PPOX: variants seen among roughly 807,000 people sequenced by gnomAD.
PPOX encodes variegate porphyria.
PPOX carries 23 observed loss-of-function variants against 54.1 expected under a neutral mutation model. The observed-to-expected ratio is 0.43, with a 90% CI of 0.31 to 0.60. PPOX has a LOEUF of 0.60. PPOX is among the 20% of genes least tolerant of loss of function. The pLI, the probability that PPOX is intolerant of heterozygous loss-of-function variation, is 0.13. For synonymous variants in PPOX, 224 were observed against 236.1 expected (o/e 0.95, Z 0.47); for missense variants, 512 against 601.1 (o/e 0.85, Z 1.55).
chr1:161,175,681 C>G, downstream of PPOX: 1 of 1,395,302 alleles, frequency 7.2e-7, no homozygotes, highest in Non-Finnish European at 9.8e-7. Context: ...CCTCAGCCTA[C>G]CTGCAGCCTC....
intron 4 of PPOX, chr1:161,176,259 C>A: frequency 1.5e-6 from 1 of 680,020 alleles, no homozygotes. Flanking sequence ...GTAACCCTAC[C>A]ACCTGTCACT....
chr1:161,168,345 C>T (rs2301288), intron 5 of PPOX, 87 bp from the exon 6 acceptor site: 29,512 of 1,599,112 alleles, frequency 0.018, 310 homozygotes, highest in Middle Eastern at 0.024. Flanking sequence ...AACCCTATCC[C>T]ACCCTCATTC....
At chr1:161,167,531 T>C (rs1244560318) in intron 4 of PPOX, 45 bp downstream of exon 4, 1 of 1,512,630 alleles carries the variant, frequency 6.6e-7, no homozygotes, top group Non-Finnish European at 9.1e-7. Flanking sequence ...CTCATCCTCA[T>C]ATGCCTTCCA....
At chr1:161,166,275 C>T (rs190518462), upstream of PPOX, 105 of 1,007,200 alleles carry the variant, frequency 1.0e-4, no homozygotes, top group Non-Finnish European at 1.2e-4. Context: ...CAGCTCGGCG[C>T]TAACACGGTT....
downstream of PPOX, chr1:161,171,463 T>C (rs1353264575): frequency 5.1e-6 from 3 of 584,388 alleles, no homozygotes; most frequent in African/African-American, 5.6e-5. Flanking sequence ...AGAATAAATA[T>C]TCACAGAGGT....
intron 4 of PPOX, chr1:161,176,619 C>T (rs1402883759): frequency 2.3e-5 from 13 of 560,020 alleles, no homozygotes; most frequent in South Asian, 2.1e-4. Flanking sequence ...CTACCTGCAC[C>T]GCCAGAGATC....
downstream of PPOX, chr1:161,172,420 C>G (rs2101924813): frequency 1.7e-6 from 2 of 1,179,686 alleles, no homozygotes; most frequent in Non-Finnish European, 2.4e-6. Context: ...AAAAAAACAA[C>G]TATTACTTAG....
downstream of PPOX, among the ~76,000 whole-genome samples, chr1:161,172,851 A>T (rs1356831295): frequency 6.6e-6 from 1 of 150,800 alleles, no homozygotes; most frequent in Non-Finnish European, 1.5e-5. Flanking sequence ...AAATAATGGG[A>T]CCTTGTCTCT....
Position 161,166,922 on chromosome 1 carries a change from C to T in PPOX, c.75C>T (p.Pro25=). The stretch of plus-strand genomic sequence containing the variant: ...CCAGTTACCACCTGAGCCGGGCCCC[C>T]TGCCCCCCTAAGGTGAGTGCTCCAC... ...LAASYHLSRA[P]CPPKVVLVES... is the part of the protein sequence containing the mutation. Residue 25 remains proline (P), a synonymous_variant, in exon 2 of 13, where the codon CCC becomes CCT. Transcript: ENST00000367999. 1 of 1,613,920 alleles carries T rather than the reference C, an allele frequency of 6.2e-7. No individual in the cohort carries two copies.
chr1:161,172,040 T>C, downstream of PPOX: 1 of 1,614,184 alleles, frequency 6.2e-7, no homozygotes, highest in Non-Finnish European at 8.5e-7. Flanking sequence ...GTCAGTGAGT[T>C]CATCCCATCT....
chr1:161,173,570 G>T (rs370500860), downstream of PPOX: 2 of 1,612,734 alleles, frequency 1.2e-6, no homozygotes, highest in Non-Finnish European at 1.7e-6. Flanking sequence ...GATCCAGACT[G>T]GGGTCAGGAG....
In PPOX at chr1:161,171,081, G is replaced by A; in HGVS notation, c.1339G>A (p.Ala447Thr). 2 of 1,614,152 alleles carry A rather than the reference G, an allele frequency of 1.2e-6. No individual in the cohort carries two copies. Among genetic ancestry groups the A allele is most frequent in the Non-Finnish European group, 1.7e-6 (2 of 1,180,038 alleles). The change falls in exon 13 of 13, where the codon GCT (alanine) becomes ACT (threonine). Residue 447 changes from alanine to threonine, a missense_variant. Physicochemically the swap from Ala to Thr is moderately conservative, Grantham distance 58 (BLOSUM62 0). Transcript: ENST00000367999. ...TGCTCACAGGTTGCCCCTGACTCTG[G>A]CTGGAGCCTCCTATGAGGGAGTTGC... ...LTAHRLPLTLAGASYEGVAVN... is the reference protein window; with the variant it reads ...LTAHRLPLTLTGASYEGVAVN...
In PPOX at chr1:161,169,075, A is replaced by G. The variant is rs1660190346; in HGVS notation, c.699A>G (p.Leu233=). ...GCCAGTGGTCACTTCGTGGAGGTCT[A>G]GAGATGTTGCCTCAGGCCCTTGAAA... The part of the protein sequence containing the change: ...RWSQWSLRGG[L]EMLPQALETH... Residue 233 remains leucine, a synonymous_variant, in exon 7 of 13, where the codon CTA becomes CTG. Transcript: ENST00000367999. 6.2e-7 allele frequency: 1 copy of G among 1,614,040 alleles called. No individual in the cohort carries two copies. Among genetic ancestry groups the G allele is most frequent in the East Asian group, 2.2e-5 (1 of 44,878 alleles).
At chr1:161,173,546 T>C (rs779168719), downstream of PPOX, 930 of 1,610,328 alleles carry the variant, frequency 5.8e-4, 2 homozygotes, top group Non-Finnish European at 7.1e-4. Flanking sequence ...TCAAAGGTGG[T>C]CTTAGAGGAC....
chr1:161,175,834 T>A, downstream of PPOX: 1 of 1,614,106 alleles, frequency 6.2e-7, no homozygotes, highest in Non-Finnish European at 8.5e-7. Flanking sequence ...TTCTGGACAG[T>A]AGGGCAGACC....
At chr1:161,176,993 C>T (rs1663790839) in exon 5 of PPOX, 2 of 1,535,834 alleles carry the variant, frequency 1.3e-6, no homozygotes, top group African/African-American at 2.7e-5. Context: ...CCGTGACCAC[C>T]TGGGGGCTGT....
Position 161,170,675 on chromosome 1 carries a change from C to G in PPOX, c.1154C>G (p.Ser385Cys), listed in dbSNP as rs1484062472. Residue 385 changes from serine to cysteine, a missense_variant, in exon 11 of 13, where the codon TCT becomes TGT. Ser to Cys is a moderately radical substitution (Grantham distance 112). Transcript: ENST00000367999. Reference sequence around the variant, plus strand: ...CTGGAGGCTAGTGGCTGTGTCTTATCTCAGGAGCTGTTTCAACAGCGGGCC... The same window carrying G: ...CTGGAGGCTAGTGGCTGTGTCTTATGTCAGGAGCTGTTTCAACAGCGGGCC... ...QTLEASGCVL[S>C]QELFQQRAQE... The G allele has an allele frequency of 6.2e-7, 1 of 1,614,148 alleles. No homozygotes were observed. The highest frequency in any genetic ancestry group is 8.5e-7 in the Non-Finnish European group (1 of 1,180,046).
downstream of PPOX, chr1:161,177,130 G>C: frequency 6.7e-7 from 1 of 1,487,556 alleles, no homozygotes; most frequent in South Asian, 1.2e-5. Context: ...GAGAGGGAGA[G>C]CAGGGGCAGA....
At chr1:161,174,352 C>G (rs1240094972), downstream of PPOX, among the ~76,000 whole-genome samples, 4 of 147,704 alleles carry the variant, frequency 2.7e-5, no homozygotes, top group Non-Finnish European at 5.9e-5. Context: ...AGCTTGCAGT[C>G]AGCCGAGATC....
Sources: gnomAD v4.1 joint callset for allele counts (sites outside exome capture counted in the v4.1 genomes callset) on GRCh38, gnomAD v4.1.1 for gene constraint, MANE v1.5 for transcripts, NCBI Gene and HGNC (gene_info 2026-07-23, HGNC 2026-07-21) for gene names.